COMMD10: variants seen among roughly 807,000 people sequenced by gnomAD.
The protein encoded by COMMD10 is COMM domain containing 10.
Under a neutral mutation model 28.9 loss-of-function variants are expected in COMMD10, and 33 were observed. That is an observed-to-expected ratio of 1.14 (90% CI 0.87 to 1.53). The LOEUF is 1.53. Among genes scored for constraint, COMMD10 ranks in the 40% most tolerant of loss-of-function variants. The pLI, the probability that COMMD10 is intolerant of heterozygous loss-of-function variation, is 0.00. For missense variants in COMMD10, 310 were observed against 233.4 expected, an observed-to-expected ratio of 1.33 and a Z score of -2.14; for synonymous variants, 110 against 81.7, an observed-to-expected ratio of 1.35 and a Z score of -1.87.
chr5:116,085,455 C>G (rs975631208), intron 1 of COMMD10: 1 of 269,432 alleles, frequency 3.7e-6, no homozygotes, highest in Non-Finnish European at 7.0e-6. Context: ...ATTCCGTTTC[C>G]GATTTCAGTT....
intron 5 of COMMD10, 49 bp downstream of exon 5, chr5:116,134,227 T>C: frequency 9.5e-7 from 1 of 1,053,662 alleles, no homozygotes; most frequent in East Asian, 2.4e-5. Context: ...TGTTAGGACT[T>C]AAACTTTTTA....
At chr5:116,103,171 TTGGGTATATACCCAGTAATGGGA>T (rs1280693886) in intron 4 of COMMD10, among the ~76,000 whole-genome samples, 1 of 152,212 alleles carries the variant, frequency 6.6e-6, no homozygotes, top group East Asian at 1.9e-4. Context: ...TTATAATCCT[TTGGGTATATACCCAGTAATGGGA>T]TGGCTGGGTC....
rs568043956 is a variant in COMMD10, at chr5:116,211,578, CTATA to C, written c.510+77408_510+77411del. On this transcript the variant is annotated intron_variant, in intron 5 of 6. Coordinates refer to ENST00000274458, the MANE Select transcript of COMMD10 (RefSeq NM_016144.4). ...CAAAACATCATTATTCAGTGCATGA[CTATA>C]TATATATTTGTCACTTATTAGCACA... Among the ~76,000 whole-genome samples, 258 of 152,008 alleles carry C rather than the reference CTATA, an allele frequency of 1.7e-3. 2 individuals carry two copies. The highest frequency in any genetic ancestry group is 2.4e-4 in the Non-Finnish European group (16 of 67,952).
intron 5 of COMMD10, among the ~76,000 whole-genome samples, chr5:116,239,431 T>C (rs1018095680): frequency 6.6e-6 from 1 of 152,102 alleles, no homozygotes; most frequent in Non-Finnish European, 1.5e-5. Flanking sequence ...TTTTAATTTT[T>C]AAAAAACTCG....
At chr5:116,188,565 TTTCTTTC>T (rs1346086544) in intron 5 of COMMD10, 1 of 152,026 alleles carries the variant, frequency 6.6e-6, no homozygotes, top group African/African-American at 2.4e-5. Context: ...GGTTTTTCTC[TTTCTTTC>T]TTCTTTCTTT....
chr5:116,174,605 A>G lies in COMMD10; in HGVS notation c.510+40427A>G, dbSNP rs1753440438. The stretch of plus-strand genomic sequence containing the variant: ...ATGATGGTGGAGGTAGTGAAAGGGG[A>G]ATTCCAAAATACTTTGAAGGGAATA... On this transcript the variant is annotated intron_variant, in intron 5 of 6. Coordinates refer to ENST00000274458, the MANE Select transcript of COMMD10 (RefSeq NM_016144.4). Among the ~76,000 whole-genome samples the G allele has an allele frequency of 2.2e-5, 3 of 137,624 alleles. No homozygotes were observed. In the South Asian group the frequency reaches 6.4e-4, roughly 29 times the overall value. The allele number at this position is 137,624 out of a possible 152,430, so 90.3% of individuals were successfully genotyped here. A position where few individuals can be genotyped will look rare whatever the true frequency, so the allele number is the denominator to read the frequency against.
intron 4 of COMMD10, among the ~76,000 whole-genome samples, chr5:116,103,778 G>A (rs1750741783): frequency 6.6e-6 from 1 of 152,070 alleles, no homozygotes; most frequent in South Asian, 2.1e-4. Flanking sequence ...TTCTTTTAGG[G>A]TTTTTATGAT....
intron 4 of COMMD10, among the ~76,000 whole-genome samples, chr5:116,120,518 T>A (rs73271270): frequency 0.31 from 47,187 of 151,944 alleles, 10,279 homozygotes; most frequent in African/African-American, 0.62. Context: ...AAAAAAAATT[T>A]TTTTTAAAGA....
intron 5 of COMMD10, among the ~76,000 whole-genome samples, chr5:116,233,672 G>A (rs1384927476): frequency 6.6e-6 from 1 of 152,118 alleles, no homozygotes; most frequent in Non-Finnish European, 1.5e-5. Context: ...GGAATGTTCT[G>A]GAAGCAGAAC....
At chr5:116,211,905 A>T (rs1451294289) in intron 5 of COMMD10, among the ~76,000 whole-genome samples, 1 of 152,172 alleles carries the variant, frequency 6.6e-6, no homozygotes, top group Admixed American at 6.6e-5. Context: ...AACAGCACAG[A>T]CTTGGATCAG....
chr5:116,107,406 T>G (rs532730226), intron 4 of COMMD10, among the ~76,000 whole-genome samples: 1 of 152,372 alleles, frequency 6.6e-6, no homozygotes, highest in African/African-American at 2.4e-5. Context: ...GATCTTGTCT[T>G]CTCACTTTAT....
At chr5:116,153,079 C>T (rs564086097) in intron 5 of COMMD10, among the ~76,000 whole-genome samples, 1 of 152,076 alleles carries the variant, frequency 6.6e-6, no homozygotes, top group Non-Finnish European at 1.5e-5. Flanking sequence ...CGACACTACA[C>T]ATGAATGACC....
Position 116,292,670 on chromosome 5 carries a change from T to A in COMMD10, c.*181T>A. ...ATCATTGTTAAGAATACTGAGGTTC[T>A]AATATACTTTCTTTAGTTCTGTGAG... On this transcript the variant is annotated 3_prime_UTR_variant, in exon 7 of 7. Transcript: ENST00000274458. 2.3e-6 allele frequency: 1 copy of A among 434,950 alleles called. No homozygotes were observed. The highest frequency in any genetic ancestry group is 4.1e-6 in the Non-Finnish European group (1 of 245,578). The allele number at this position is 434,950 out of a possible 1,614,324, so 26.9% of individuals were successfully genotyped here.
At chr5:116,259,982 T>G (rs192967441) in intron 5 of COMMD10, among the ~76,000 whole-genome samples, 175 of 151,894 alleles carry the variant, frequency 1.2e-3, no homozygotes, top group Non-Finnish European at 2.0e-3. Context: ...CTCCTCTGAT[T>G]TGTGTTTGTT....
rs143964154 is a variant in COMMD10, at chr5:116,225,353, G to GTTTTTTTTTTTTTT, written c.511-66164_511-66163insTTTTTTTTTTTTTT. On this transcript the variant is annotated intron_variant, in intron 5 of 6. Coordinates refer to ENST00000274458, the MANE Select transcript of COMMD10 (RefSeq NM_016144.4). The stretch of plus-strand genomic sequence containing the variant: ...AGACTTTCCTGTTTGTTTTTTTGGG[G>GTTTTTTTTTTTTTT]ATTTTTTTTTTTTTTTTTGCATATG... 2.6e-5 allele frequency among the ~76,000 whole-genome samples: 3 copies of GTTTTTTTTTTTTTT among 116,512 alleles called. 1 individual carries two copies. 76.4% of individuals were successfully genotyped at this position (116,512 alleles called of 152,430 possible).
intron 5 of COMMD10, among the ~76,000 whole-genome samples, chr5:116,220,462 A>T (rs1416354986): frequency 6.6e-6 from 1 of 152,048 alleles, no homozygotes; most frequent in African/African-American, 2.4e-5. Context: ...AACATCGTAG[A>T]TAATAAACTT....
At chr5:116,164,640 G>A (rs1215882035) in intron 5 of COMMD10, among the ~76,000 whole-genome samples, 2 of 152,086 alleles carry the variant, frequency 1.3e-5, no homozygotes, top group African/African-American at 2.4e-5. Context: ...GTTTACAAAT[G>A]ACCACATGTA....
intron 5 of COMMD10, among the ~76,000 whole-genome samples, chr5:116,160,009 G>A (rs1752864077): frequency 6.6e-6 from 1 of 152,266 alleles, no homozygotes; most frequent in East Asian, 1.9e-4. Context: ...GGAATTGGAG[G>A]CAGTAAATTA....
At chr5:116,232,458 G>T (rs921850103) in intron 5 of COMMD10, among the ~76,000 whole-genome samples, 3 of 152,044 alleles carry the variant, frequency 2.0e-5, no homozygotes, top group Non-Finnish European at 2.9e-5. Context: ...TACTCTTCAC[G>T]TGAAAAGGAC....
Sources: gnomAD v4.1 joint callset for allele counts (sites outside exome capture counted in the v4.1 genomes callset) on GRCh38, gnomAD v4.1.1 for gene constraint, MANE v1.5 for transcripts, NCBI Gene and HGNC (gene_info 2026-07-23, HGNC 2026-07-21) for gene names.